Variants in STK10 observed in about 807,000 individuals in gnomAD.
The protein encoded by STK10 is serine/threonine kinase 10.
A neutral mutation model predicts 113.8 loss-of-function variants in STK10; 78 were observed. The ratio of observed to expected loss-of-function variants is 0.69; its 90% CI spans 0.57 to 0.83. The LOEUF is 0.83. Ranked by LOEUF, STK10 falls within the 40% of genes least tolerant of loss-of-function variation. The pLI is 0.00. For synonymous variants in STK10, 465 were observed against 494.7 expected, an observed-to-expected ratio of 0.94 and a Z score of 0.80; for missense variants, 1,109 against 1,280.1, an observed-to-expected ratio of 0.87 and a Z score of 2.04.
rs774545522 is a variant in STK10, at chr5:172,090,350, A to T, written c.1567T>A (p.Tyr523Asn). 16 of 1,613,668 alleles carry T rather than the reference A, an allele frequency of 9.9e-6. No homozygotes were observed. The South Asian group carries it at 1.8e-4, about 18-fold the overall frequency. The change falls in exon 10 of 19, where the codon TAC becomes AAC. Residue 523 changes from tyrosine to asparagine, a missense_variant. Physicochemically the swap from Tyr to Asn is moderately radical, Grantham distance 143. Around this residue, in one of 5 missense-constraint regions of STK10, gnomAD observed 885 missense variants for 991.1 expected, o/e 0.89. Transcript: ENST00000176763. ...CGTGTCCGCTTGAGGGTTTTTTTGT[A>T]CAGTTTCGGGTCCTGGCCAGGGAAA... ...GSLSIKDPKL[Y>N]KKTLKRTRKF... is the part of the protein sequence containing the mutation.
intron 2 of STK10, among the ~76,000 whole-genome samples, chr5:172,150,306 C>T (rs538806326): frequency 6.6e-6 from 1 of 151,612 alleles, no homozygotes; most frequent in African/African-American, 2.4e-5. Flanking sequence ...CATGGCGAAA[C>T]CCCGTCTCTA....
chr5:172,049,584 G>A (rs75789481), intron 18 of STK10, among the ~76,000 whole-genome samples: 2,773 of 151,802 alleles, frequency 0.018, 91 homozygotes, highest in African/African-American at 0.062. Context: ...TGTGGTCCAC[G>A]AACCCCTAGG....
At chr5:172,123,410 G>T (rs1275248202) in intron 3 of STK10, among the ~76,000 whole-genome samples, 11 of 152,232 alleles carry the variant, frequency 7.2e-5, no homozygotes, top group African/African-American at 2.7e-4. Context: ...GGGAGCCAGA[G>T]AAGGGTTTGT....
At chr5:172,135,561 T>C (rs906969576) in intron 2 of STK10, among the ~76,000 whole-genome samples, 1 of 151,932 alleles carries the variant, frequency 6.6e-6, no homozygotes, top group African/African-American at 2.4e-5. Context: ...TATGGAGAAA[T>C]TGGAACCTTC....
intron 10 of STK10, among the ~76,000 whole-genome samples, chr5:172,089,393 CATGGATGGATGGATGGATGG>C (rs5873300): frequency 1.3e-3 from 169 of 132,996 alleles, no homozygotes; most frequent in African/African-American, 4.7e-3. Context: ...TTGGTGGATA[CATGGATGGATGGATGGATGG>C]ATGGATGGAT....
At chr5:172,162,065 G>A (rs1770481783) in intron 1 of STK10, among the ~76,000 whole-genome samples, 1 of 152,206 alleles carries the variant, frequency 6.6e-6, no homozygotes. Context: ...TTTAGGCCGG[G>A]CGCAGTGGCT....
Position 172,057,402 on chromosome 5 carries a change from GC to G in STK10, c.2283del (p.Gln761HisfsTer31). ...CGCTGGAGGAAGTACTGGTCTTTGAGCTGCTGCTTCACCAGCTGGTGCCTCT... is the reference window on the plus strand; with the variant it reads ...CGCTGGAGGAAGTACTGGTCTTTGAGTGCTGCTTCACCAGCTGGTGCCTCT... ...LQERHQLVKQ[Q>X]LKDQYFLQRH... On this transcript the variant is annotated frameshift_variant, in exon 15 of 19. Transcript: ENST00000176763. LOFTEE classifies it high-confidence loss of function. 6.4e-7 allele frequency: 1 copy of G among 1,556,032 alleles called. No homozygotes were observed. Among genetic ancestry groups the G allele is most frequent in the Non-Finnish European group, 8.7e-7 (1 of 1,150,040 alleles).
chr5:172,179,779 G>A (rs1332449970), intron 1 of STK10, among the ~76,000 whole-genome samples: 1 of 152,220 alleles, frequency 6.6e-6, no homozygotes, highest in Non-Finnish European at 1.5e-5. Flanking sequence ...GGAGGAGGAG[G>A]GGAGGACTGA....
Position 172,187,684 on chromosome 5 carries a change from G to A in STK10, c.156+203C>T, listed in dbSNP as rs953991661. 6.6e-6 allele frequency among the ~76,000 whole-genome samples: 1 copy of A among 152,198 alleles called. No homozygotes were observed. Among genetic ancestry groups the A allele is most frequent in the Non-Finnish European group, 1.5e-5 (1 of 68,038 alleles). The stretch of plus-strand genomic sequence containing the variant: ...TGGGGGCGGCAACCGTGCCCGGAGG[G>A]GGCGCCCAGAGCGCAGGGACTCGGC... On this transcript the variant is annotated intron_variant, in intron 1 of 18. Transcript: ENST00000176763. The surrounding 1 kb of genome is among the most constrained non-coding windows in gnomAD (Gnocchi z 4.6).
rs73801816 is a variant in STK10 at position 172,064,545 on chromosome 5, G to T, written c.2082+175C>A. 4,094 of 644,044 alleles carry T rather than the reference G, an allele frequency of 6.4e-3. 137 individuals are homozygous for T. The African/African-American group carries it at 0.067, about 10-fold the overall frequency. The allele number at this position is 644,044 out of a possible 1,614,324, so 39.9% of individuals were successfully genotyped here. On this transcript the variant is annotated intron_variant, in intron 13 of 18. Transcript: ENST00000176763. ...ACTTCCAGATGGAGGCAGGGCAATC[G>T]AGGAAGGCTGCATGGAGGAGGGGAT...
intron 2 of STK10, among the ~76,000 whole-genome samples, chr5:172,130,531 C>CAA (rs11338879): frequency 6.0e-5 from 7 of 117,262 alleles, no homozygotes; most frequent in South Asian, 3.0e-4. Flanking sequence ...ACTCTGTCTC[C>CAA]AAAAAAAAAA....
intron 7 of STK10, among the ~76,000 whole-genome samples, chr5:172,104,643 T>C (rs1460933212): frequency 6.6e-6 from 1 of 152,082 alleles, no homozygotes; most frequent in Non-Finnish European, 1.5e-5. Flanking sequence ...TGCAGGACCC[T>C]GTGTGCAGAA....
At chr5:172,051,582 A>C (rs1189718619) in intron 18 of STK10, among the ~76,000 whole-genome samples, 3 of 152,192 alleles carry the variant, frequency 2.0e-5, no homozygotes, top group South Asian at 4.1e-4. Flanking sequence ...CTGAGATGGC[A>C]CCACCGCACT....
chr5:172,097,426 C>T lies in STK10; in HGVS notation c.871-866G>A, dbSNP rs985282200. On this transcript the variant is annotated intron_variant, in intron 7 of 18. Coordinates refer to ENST00000176763, the MANE Select transcript of STK10 (RefSeq NM_005990.4). ...CATTTCCATCACCGGGGAAGGCTCC[C>T]GTCTCCCTTGGCAGGCAACCCCACT... Among the ~76,000 whole-genome samples the T allele has an allele frequency of 2.0e-5, 3 of 152,220 alleles. 1 individual carries two copies. Among genetic ancestry groups the T allele is most frequent in the Admixed American group, 1.3e-4 (2 of 15,282 alleles).
intron 1 of STK10, among the ~76,000 whole-genome samples, chr5:172,165,384 T>A (rs1770550939): frequency 2.6e-5 from 4 of 152,192 alleles, no homozygotes; most frequent in Non-Finnish European, 5.9e-5. Context: ...GACACAGGTG[T>A]GCCTCAAGAA....
chr5:172,107,984 T>C (rs1769154117), intron 4 of STK10, 132 bp from the exon 5 acceptor site: 1 of 708,708 alleles, frequency 1.4e-6, no homozygotes, highest in African/African-American at 1.8e-5. Context: ...TAGAAAGCAT[T>C]AAAAATGTAA....
rs1768464614 is a variant in STK10, at chr5:172,082,864, A to G, written c.1809+97T>C. On this transcript the variant is annotated intron_variant, in intron 11 of 18. Coordinates refer to ENST00000176763, the MANE Select transcript of STK10 (RefSeq NM_005990.4). This position sits in a 1 kb window ranked among gnomAD's most constrained non-coding sequence, Gnocchi z 4.3. ...AGGAATTGGGCAATTGTTGTGAATT[A>G]CTCTCCACTACCCAATCATTCCCAC... The G allele has an allele frequency of 6.5e-7, 1 of 1,529,718 alleles. No individual in the cohort carries two copies. Among genetic ancestry groups the G allele is most frequent in the Non-Finnish European group, 8.8e-7 (1 of 1,137,398 alleles). 94.8% of individuals were successfully genotyped at this position (1,529,718 alleles called of 1,614,324 possible). A position where few individuals can be genotyped will look rare whatever the true frequency, so the allele number is the denominator to read the frequency against.
At chr5:172,091,291 C>T (rs915676177) in intron 9 of STK10, among the ~76,000 whole-genome samples, 1 of 152,202 alleles carries the variant, frequency 6.6e-6, no homozygotes, top group African/African-American at 2.4e-5. Context: ...CAAAGCTGAC[C>T]TGGCCTGAAC....
Position 172,057,491 on chromosome 5 carries a change from C to G in STK10, c.2213-18G>C. ...TTCCCGGTCTGCAGAGGACATGCCA[C>G]CGAGCTGGTGAGGTGCTGACAACCA... On this transcript the variant is annotated intron_variant, in intron 14 of 18. Coordinates refer to ENST00000176763, the MANE Select transcript of STK10 (RefSeq NM_005990.4). The G allele has an allele frequency of 6.5e-7, 1 of 1,544,076 alleles. No individual in the cohort carries two copies. Among genetic ancestry groups the G allele is most frequent in the Non-Finnish European group, 8.8e-7 (1 of 1,142,150 alleles).
Sources: gnomAD v4.1 joint callset for allele counts (sites outside exome capture counted in the v4.1 genomes callset) on GRCh38, gnomAD v4.1.1 for gene constraint, gnomAD v4.1.1 regional missense constraint, Gnocchi (gnomAD v3.1) non-coding constraint, MANE v1.5 for transcripts, NCBI Gene and HGNC (gene_info 2026-07-23, HGNC 2026-07-21) for gene names.